Variants in LRRTM3 observed in about 807,000 individuals in gnomAD.
LRRTM3 encodes the protein leucine-rich repeat transmembrane neuronal protein 3.
Under a neutral mutation model 44.7 loss-of-function variants are expected in LRRTM3, and 24 were observed. The observed-to-expected ratio is 0.54, with a 90% CI of 0.39 to 0.76. The LOEUF (loss-of-function observed/expected upper bound fraction) is 0.76. Among genes scored for constraint, LRRTM3 ranks in the 30% least tolerant of loss-of-function variants. LRRTM3 has a pLI of 0.00. For synonymous variants in LRRTM3, 277 were observed against 278.7 expected (o/e 0.99, Z 0.06); for missense variants, 587 against 702.2 (o/e 0.84, Z 1.85).
intron 2 of LRRTM3, among the ~76,000 whole-genome samples, chr10:66,942,128 A>G (rs917336443): frequency 6.6e-6 from 1 of 152,178 alleles, no homozygotes; most frequent in Non-Finnish European, 1.5e-5. Flanking sequence ...GAGATAACAT[A>G]TGTTTGCAGG....
intron 2 of LRRTM3, among the ~76,000 whole-genome samples, chr10:66,941,128 C>T (rs1589457268): frequency 2.0e-5 from 3 of 152,318 alleles, no homozygotes; most frequent in Admixed American, 6.5e-5. Context: ...CAGACAGCTA[C>T]ACCACAGTAG....
At chr10:67,061,931 T>A (rs760341703) in intron 2 of LRRTM3, among the ~76,000 whole-genome samples, 2 of 141,464 alleles carry the variant, frequency 1.4e-5, no homozygotes, top group Non-Finnish European at 3.1e-5. Flanking sequence ...AGAAAATTTA[T>A]AAGAAAGCTT....
intron 2 of LRRTM3, 26 bp from the exon 3 acceptor site, chr10:67,097,553 TATAACTGA>T (rs1330074992): frequency 6.3e-7 from 1 of 1,586,588 alleles, no homozygotes; most frequent in African/African-American, 1.3e-5. Context: ...TCCATATTTT[TATAACTGA>T]CTTTTCTCAT....
chr10:67,037,079 G>T (rs1484682205), intron 2 of LRRTM3, among the ~76,000 whole-genome samples: 1 of 152,090 alleles, frequency 6.6e-6, no homozygotes, highest in Non-Finnish European at 1.5e-5. Context: ...AAGTGAGCAA[G>T]GAAGAGAGGC....
At chr10:66,947,864 G>T (rs930231773) in intron 2 of LRRTM3, among the ~76,000 whole-genome samples, 1 of 152,154 alleles carries the variant, frequency 6.6e-6, no homozygotes, top group African/African-American at 2.4e-5. Context: ...TCTGAGAAAT[G>T]CATCATTAGG....
At chr10:67,000,783 C>T (rs1045815664) in intron 2 of LRRTM3, among the ~76,000 whole-genome samples, 5 of 152,006 alleles carry the variant, frequency 3.3e-5, no homozygotes, top group African/African-American at 7.2e-5. Flanking sequence ...CTATGGGGAG[C>T]GCATTATGAA....
At chr10:67,076,250 G>C (rs1488481313) in intron 2 of LRRTM3, among the ~76,000 whole-genome samples, 10 of 152,150 alleles carry the variant, frequency 6.6e-5, no homozygotes, top group Admixed American at 6.5e-4. Flanking sequence ...ATTTTCCTAG[G>C]ATTAATGCTA....
At chr10:67,049,559 G>A (rs1220163205) in intron 2 of LRRTM3, among the ~76,000 whole-genome samples, 2 of 151,834 alleles carry the variant, frequency 1.3e-5, no homozygotes, top group African/African-American at 2.4e-5. Context: ...AAACTTCAAG[G>A]GTTTATTTCA....
At chr10:67,055,041 G>T (rs1297881093) in intron 2 of LRRTM3, 1 of 151,798 alleles carries the variant, frequency 6.6e-6, no homozygotes, top group East Asian at 1.9e-4. Flanking sequence ...CATTAACCAG[G>T]ACATTGCAGT....
chr10:67,087,638 T>C (rs899147960), intron 2 of LRRTM3, among the ~76,000 whole-genome samples: 2 of 152,028 alleles, frequency 1.3e-5, no homozygotes, highest in East Asian at 3.9e-4. Context: ...TGCAGTGCCA[T>C]GTGCCTCATC....
At chr10:67,048,262 C>G (rs1854873357) in intron 2 of LRRTM3, among the ~76,000 whole-genome samples, 1 of 151,916 alleles carries the variant, frequency 6.6e-6, no homozygotes, top group Non-Finnish European at 1.5e-5. Flanking sequence ...AAAATTCTGC[C>G]CACTTTCTAG....
chr10:67,000,181 G>A (rs900538516), intron 2 of LRRTM3, among the ~76,000 whole-genome samples: 2 of 152,136 alleles, frequency 1.3e-5, no homozygotes, highest in Admixed American at 6.5e-5. Context: ...TTTTAAGATT[G>A]CTATATGAGC....
At position 66,968,948 on chromosome 10, in the gene LRRTM3, C is replaced by T. The variant is rs938144617; in HGVS notation, c.1536+40496C>T. Among the ~76,000 whole-genome samples the T allele has an allele frequency of 2.6e-5, 4 of 151,848 alleles. 1 individual carries two copies. The highest frequency in any genetic ancestry group is 9.7e-5 in the African/African-American group (4 of 41,298). On this transcript the variant is annotated intron_variant, in intron 2 of 2. Coordinates refer to ENST00000361320, the MANE Select transcript of LRRTM3 (RefSeq NM_178011.5). ...AGGAGAATTGCTTGAACCCAGGAAG[C>T]GGAGGTTCCAGTGAGCTGAGAACAC...
intron 2 of LRRTM3, among the ~76,000 whole-genome samples, chr10:66,973,093 T>C (rs754835396): frequency 3.9e-5 from 6 of 152,346 alleles, no homozygotes; most frequent in Non-Finnish European, 7.4e-5. Flanking sequence ...TTTTTATTGC[T>C]TCTCAGCCTT....
chr10:66,931,334 A>G (rs1847377737), intron 2 of LRRTM3, among the ~76,000 whole-genome samples: 1 of 152,182 alleles, frequency 6.6e-6, no homozygotes, highest in Non-Finnish European at 1.5e-5. Flanking sequence ...ACCCCAGTAC[A>G]CATAGTGCTA....
At chr10:66,991,774 T>C (rs182563607) in intron 2 of LRRTM3, among the ~76,000 whole-genome samples, 2 of 152,320 alleles carry the variant, frequency 1.3e-5, no homozygotes, top group East Asian at 3.9e-4. Context: ...CTTCATAAAG[T>C]ATATCACATG....
intron 2 of LRRTM3, among the ~76,000 whole-genome samples, chr10:67,091,826 C>G (rs1857663842): frequency 6.6e-6 from 1 of 151,894 alleles, no homozygotes; most frequent in African/African-American, 2.4e-5. Context: ...AATAAGTATT[C>G]CCTAGAACAA....
chr10:67,098,865 C>T lies in LRRTM3; in HGVS notation c.*1069C>T, dbSNP rs1858166153. 6.6e-6 allele frequency: 1 copy of T among 151,802 alleles called. No homozygotes were observed. The highest frequency in any genetic ancestry group is 1.5e-5 in the Non-Finnish European group (1 of 67,850). The allele number at this position is 151,802 out of a possible 1,614,324, so 9.4% of individuals were successfully genotyped here. On this transcript the variant is annotated 3_prime_UTR_variant, in exon 3 of 3. Coordinates refer to ENST00000361320, the MANE Select transcript of LRRTM3 (RefSeq NM_178011.5). ...TAACCATCAGTCAGTGCAAAATGTG[C>T]CTGGTTCTTAAGACAACTTTTTATT...
chr10:67,076,847 T>A (rs1257440194), intron 2 of LRRTM3, among the ~76,000 whole-genome samples: 2 of 152,164 alleles, frequency 1.3e-5, no homozygotes, highest in African/African-American at 2.4e-5. Flanking sequence ...TCCTCTGTTT[T>A]TCATACTAAT....
Sources: gnomAD v4.1 joint callset for allele counts (sites outside exome capture counted in the v4.1 genomes callset) on GRCh38, gnomAD v4.1.1 for gene constraint, MANE v1.5 for transcripts, NCBI Gene and HGNC (gene_info 2026-07-23, HGNC 2026-07-21) for gene names.